The following SMYD3 variants were observed in gnomAD, a reference collection of about 807,000 sequenced individuals.
SMYD3 encodes the protein SET and MYND domain containing 3, also known as histone-lysine N-methyltransferase SMYD3.
In SMYD3, 36 loss-of-function variants were observed where a neutral mutation model predicts 57.7. That is an observed-to-expected ratio of 0.62 (90% confidence interval 0.48 to 0.82). SMYD3 has a LOEUF of 0.82. Ranked by LOEUF, SMYD3 falls within the 40% of genes least tolerant of loss-of-function variation. The pLI, the probability that SMYD3 is intolerant of heterozygous loss-of-function variation, is 0.00. For missense variants in SMYD3, 515 were observed against 538.8 expected (o/e 0.96, Z 0.44); for synonymous variants, 211 against 195.0 (o/e 1.08, Z -0.68).
chr1:246,450,085 C>T (rs1572511849), intron 1 of SMYD3, among the ~76,000 whole-genome samples: 3 of 152,200 alleles, frequency 2.0e-5, no homozygotes, highest in South Asian at 2.1e-4. Context: ...GTCGGGAGTT[C>T]GAGACCAGCC....
chr1:246,152,168 A>T (rs373995863), intron 5 of SMYD3, among the ~76,000 whole-genome samples: 1 of 152,224 alleles, frequency 6.6e-6, no homozygotes, highest in African/African-American at 2.4e-5. Context: ...CCTGGGTGAC[A>T]AAATAAGAGA....
chr1:246,005,738 T>C (rs1453851042), intron 5 of SMYD3, among the ~76,000 whole-genome samples: 1 of 152,152 alleles, frequency 6.6e-6, no homozygotes, highest in Non-Finnish European at 1.5e-5. Flanking sequence ...GAGAATCCTA[T>C]GAAAACTGCA....
At chr1:245,838,191 C>T (rs1304077541) in intron 10 of SMYD3, among the ~76,000 whole-genome samples, 4 of 152,160 alleles carry the variant, frequency 2.6e-5, no homozygotes, top group African/African-American at 9.7e-5. Context: ...ATTGCAATGA[C>T]AGGTGTGTGG....
chr1:246,292,723 C>T (rs994323311), intron 5 of SMYD3, among the ~76,000 whole-genome samples: 15 of 152,128 alleles, frequency 9.9e-5, no homozygotes, highest in Non-Finnish European at 2.9e-5. Flanking sequence ...ACCATGAACA[C>T]GTATTGCCAA....
chr1:245,858,769 C>T (rs2185370), intron 9 of SMYD3, 99 bp from the exon 10 acceptor site: 820,320 of 1,263,288 alleles, frequency 0.65, 281,242 homozygotes, highest in Non-Finnish European at 0.72. Context: ...AGCACAGGAG[C>T]GAGGGAAGCA....
chr1:246,093,074 C>T (rs1315267959), intron 5 of SMYD3, among the ~76,000 whole-genome samples: 4 of 151,998 alleles, frequency 2.6e-5, no homozygotes, highest in Admixed American at 2.0e-4. Flanking sequence ...TCATCTCACC[C>T]CAGTTAAAAT....
In SMYD3 at chr1:246,401,945, C is replaced by T. The variant is rs190685964; in HGVS notation, c.165-46851G>A. 3.0e-3 allele frequency among the ~76,000 whole-genome samples: 460 copies of T among 152,332 alleles called. 2 individuals are homozygous for T. Among genetic ancestry groups the T allele is most frequent in the Non-Finnish European group, 5.5e-3 (371 of 68,024 alleles). ...CCATGTTGGTCAGGCTGGTCTCGAA[C>T]TCCCGACCTCAGGTGATCCGCCCAT... is the stretch of plus-strand genomic sequence containing the variant. On this transcript the variant is annotated intron_variant, in intron 1 of 11. Coordinates refer to ENST00000490107, the MANE Select transcript of SMYD3 (RefSeq NM_001167740.2).
At chr1:246,396,350 T>C (rs1243222481) in intron 1 of SMYD3, among the ~76,000 whole-genome samples, 1 of 152,182 alleles carries the variant, frequency 6.6e-6, no homozygotes, top group Non-Finnish European at 1.5e-5. Flanking sequence ...TCAAAGCTTT[T>C]TTGTTCCCAA....
At chr1:246,023,844 T>TGTGTGTG (rs1558159569) in intron 5 of SMYD3, among the ~76,000 whole-genome samples, 8 of 151,352 alleles carry the variant, frequency 5.3e-5, no homozygotes, top group African/African-American at 1.2e-4. Flanking sequence ...TGTGTGTGTG[T>TGTGTGTG]TACTGAAAAA....
At chr1:246,351,442 GCTC>G (rs1366079192) in intron 2 of SMYD3, among the ~76,000 whole-genome samples, 1 of 152,092 alleles carries the variant, frequency 6.6e-6, no homozygotes, top group Non-Finnish European at 1.5e-5. Context: ...ATTTTAGCCT[GCTC>G]CTCCTCTTTG....
intron 5 of SMYD3, among the ~76,000 whole-genome samples, chr1:246,022,116 C>T (rs1192529233): frequency 2.6e-5 from 4 of 152,190 alleles, no homozygotes; most frequent in African/African-American, 4.8e-5. Context: ...GACGAGAGAA[C>T]GCAAATTCAT....
chr1:245,912,040 A>G (rs2055031096), intron 8 of SMYD3, among the ~76,000 whole-genome samples: 2 of 152,146 alleles, frequency 1.3e-5, no homozygotes, highest in Non-Finnish European at 2.9e-5. Context: ...AAAGCAATAA[A>G]GAGCATTTAA....
At chr1:246,326,228 T>C (rs184364841) in intron 5 of SMYD3, 4 of 435,502 alleles carry the variant, frequency 9.2e-6, no homozygotes, top group East Asian at 3.5e-5. Context: ...AGTGGCAAAA[T>C]TGTCAAAAGT....
chr1:246,367,943 C>G (rs910965254), intron 1 of SMYD3, among the ~76,000 whole-genome samples: 1 of 152,134 alleles, frequency 6.6e-6, no homozygotes, highest in East Asian at 1.9e-4. Flanking sequence ...CTTGTTCATA[C>G]AAACCTGACT....
intron 8 of SMYD3, among the ~76,000 whole-genome samples, chr1:245,871,558 C>T (rs2052193584): frequency 6.6e-6 from 1 of 152,176 alleles, no homozygotes; most frequent in Non-Finnish European, 1.5e-5. Flanking sequence ...GTAGTATGTT[C>T]TAATTAGCAA....
At chr1:245,832,645 T>C (rs983703200) in intron 10 of SMYD3, among the ~76,000 whole-genome samples, 2 of 152,154 alleles carry the variant, frequency 1.3e-5, no homozygotes, top group Non-Finnish European at 2.9e-5. Flanking sequence ...CTCTTTGCCA[T>C]CTGAGTCTAA....
At chr1:246,074,518 TA>T (rs2060512869) in intron 5 of SMYD3, among the ~76,000 whole-genome samples, 2 of 152,110 alleles carry the variant, frequency 1.3e-5, no homozygotes, top group Non-Finnish European at 2.9e-5. Flanking sequence ...CTGAAGGTAC[TA>T]GAGAGTGGCC....
chr1:245,869,736 A>G (rs1423396893), intron 8 of SMYD3, among the ~76,000 whole-genome samples: 1 of 151,786 alleles, frequency 6.6e-6, no homozygotes, highest in Non-Finnish European at 1.5e-5. Flanking sequence ...ACCCACGCCC[A>G]TCTCTGACTT....
intron 8 of SMYD3, among the ~76,000 whole-genome samples, chr1:245,881,025 G>A (rs996743534): frequency 2.0e-5 from 3 of 152,172 alleles, no homozygotes; most frequent in Non-Finnish European, 4.4e-5. Context: ...GCCTCTAAGG[G>A]CCCTTCCCAT....
Sources: gnomAD v4.1 joint callset for allele counts (sites outside exome capture counted in the v4.1 genomes callset) on GRCh38, gnomAD v4.1.1 for gene constraint, MANE v1.5 for transcripts, NCBI Gene and HGNC (gene_info 2026-07-23, HGNC 2026-07-21) for gene names.